Variants in CDK5RAP2 observed in about 807,000 individuals in gnomAD.
The protein encoded by CDK5RAP2 is CDK5 regulatory subunit-associated protein 2.
Under a neutral mutation model 232.9 loss-of-function variants are expected in CDK5RAP2, and 147 were observed. The observed-to-expected ratio is 0.63, with a 90% CI of 0.55 to 0.72. The LOEUF (loss-of-function observed/expected upper bound fraction) is 0.72, where lower values mean the gene tolerates loss of function less well. CDK5RAP2 is among the 30% of genes least tolerant of loss of function. The pLI is 0.00. For missense variants in CDK5RAP2, 2,195 were observed against 2,231.5 expected (o/e 0.98, Z 0.33); for synonymous variants, 833 against 833.7 (o/e 1.00, Z 0.01).
chr9:120,533,444 T>C (rs2041243567), intron 7 of CDK5RAP2, among the ~76,000 whole-genome samples: 1 of 152,056 alleles, frequency 6.6e-6, no homozygotes, highest in Non-Finnish European at 1.5e-5. Flanking sequence ...ACATTTCCTC[T>C]TTTTCCTTTT....
At chr9:120,416,056 C>T (rs1227346931) in intron 27 of CDK5RAP2, among the ~76,000 whole-genome samples, 1 of 152,196 alleles carries the variant, frequency 6.6e-6, no homozygotes, top group Non-Finnish European at 1.5e-5. Context: ...TTCTCCCATA[C>T]ACTCACTCAA....
At chr9:120,481,120 A>G (rs918205154) in intron 14 of CDK5RAP2, among the ~76,000 whole-genome samples, 1 of 152,196 alleles carries the variant, frequency 6.6e-6, no homozygotes, top group Non-Finnish European at 1.5e-5. Flanking sequence ...AATCTTCACA[A>G]TGACCCAATG....
intron 15 of CDK5RAP2, 38 bp from the exon 16 acceptor site, chr9:120,471,916 C>T: frequency 6.2e-7 from 1 of 1,613,184 alleles, no homozygotes; most frequent in Non-Finnish European, 8.5e-7. Flanking sequence ...TAAAACAGAC[C>T]TATTTGTACT....
At chr9:120,391,114 C>T (rs796935276) in intron 36 of CDK5RAP2, among the ~76,000 whole-genome samples, 1 of 152,086 alleles carries the variant, frequency 6.6e-6, no homozygotes, top group South Asian at 2.1e-4. Flanking sequence ...CCGCATTTTT[C>T]CACAGAGAGA....
intron 11 of CDK5RAP2, among the ~76,000 whole-genome samples, chr9:120,523,883 G>A (rs1326478429): frequency 6.6e-6 from 1 of 152,182 alleles, no homozygotes. Context: ...CTGACCATCA[G>A]GAGTCCTTGT....
intron 35 of CDK5RAP2, among the ~76,000 whole-genome samples, chr9:120,399,745 T>TA (rs1381219444): frequency 1.3e-5 from 2 of 152,194 alleles, no homozygotes; most frequent in East Asian, 3.9e-4. Flanking sequence ...TCCCACCTGA[T>TA]ACTGCCACCA....
chr9:120,389,624 T>C (rs1252559576), intron 37 of CDK5RAP2, 117 bp downstream of exon 37: 8 of 975,912 alleles, frequency 8.2e-6, no homozygotes, highest in Admixed American at 1.8e-5. Context: ...AACAACTCTC[T>C]GAGGAGGACA....
rs77055419 is a variant in CDK5RAP2 at position 120,548,076 on chromosome 9, G to A, written c.307-2286C>T. Among the ~76,000 whole-genome samples the A allele has an allele frequency of 8.7e-3, 1,330 of 152,268 alleles. 19 individuals carry two copies. Among genetic ancestry groups the A allele is most frequent in the African/African-American group, 0.03 (1,242 of 41,538 alleles). On this transcript the variant is annotated intron_variant, in intron 4 of 37. Transcript: ENST00000349780. ...TGAGCTAGCAAATGAGAAAAGCCTCGGAGACAGGGCTCAAAATAGGTTATC... is the reference window on the plus strand; with the variant it reads ...TGAGCTAGCAAATGAGAAAAGCCTCAGAGACAGGGCTCAAAATAGGTTATC...
chr9:120,466,925 G>A (rs377731911), intron 18 of CDK5RAP2, among the ~76,000 whole-genome samples: 29 of 152,320 alleles, frequency 1.9e-4, no homozygotes, highest in East Asian at 1.5e-3. Context: ...AGTTTCATAC[G>A]TGAGGGACCC....
At chr9:120,432,451 A>T (rs2035339174) in intron 25 of CDK5RAP2, among the ~76,000 whole-genome samples, 1 of 152,184 alleles carries the variant, frequency 6.6e-6, no homozygotes, top group African/African-American at 2.4e-5. Context: ...CTATATTTAA[A>T]TTTTTAAGAA....
chr9:120,496,894 C>T (rs2039304893), intron 12 of CDK5RAP2, among the ~76,000 whole-genome samples: 1 of 141,582 alleles, frequency 7.1e-6, no homozygotes, highest in Admixed American at 6.8e-5. Context: ...CCGGCCACCA[C>T]CCTGTCTGGG....
chr9:120,455,211 A>C (rs1235591344), intron 20 of CDK5RAP2, among the ~76,000 whole-genome samples: 1 of 152,136 alleles, frequency 6.6e-6, no homozygotes, highest in African/African-American at 2.4e-5. Context: ...CAGGGAGAAC[A>C]ACAGCGGAGG....
Position 120,470,145 on chromosome 9 carries a change from A to G in CDK5RAP2, c.1934T>C (p.Val645Ala). ...ICLEENNRFQ[V>A]EHFSQEELKK... The stretch of plus-strand genomic sequence containing the variant: ...AAGTTCTTCTTGAGAAAAATGTTCC[A>G]CTTGAAACCGATTGTTTTCTTCAAG... Residue 645 changes from valine to alanine, a missense_variant, in exon 17 of 38, where the codon GTG (valine) becomes GCG (alanine). Physicochemically the swap from Val to Ala is moderately conservative, Grantham distance 64 (BLOSUM62 0). Coordinates refer to ENST00000349780, the MANE Select transcript of CDK5RAP2 (RefSeq NM_018249.6). 6.3e-7 allele frequency: 1 copy of G among 1,587,224 alleles called. No individual in the cohort carries two copies. Among genetic ancestry groups the G allele is most frequent in the South Asian group, 1.1e-5 (1 of 89,872 alleles).
chr9:120,498,711 G>C (rs2039433823), intron 12 of CDK5RAP2, among the ~76,000 whole-genome samples: 3 of 149,220 alleles, frequency 2.0e-5, no homozygotes, highest in Admixed American at 2.0e-4. Context: ...AAAATAAAAA[G>C]GCTTTAAATA....
intron 21 of CDK5RAP2, among the ~76,000 whole-genome samples, chr9:120,449,859 G>C (rs2036391227): frequency 6.6e-6 from 1 of 152,110 alleles, no homozygotes; most frequent in Non-Finnish European, 1.5e-5. Flanking sequence ...ATAATCAAAG[G>C]ACAACAACAA....
In CDK5RAP2 at chr9:120,422,761, C is replaced by T; in HGVS notation, c.3956-20G>A. ...ATTTTCCTGGAAGCAGAAATAACATCAAGAAAGGAGGAGAAAAAAATGTTT... is the reference window on the plus strand; with the variant it reads ...ATTTTCCTGGAAGCAGAAATAACATTAAGAAAGGAGGAGAAAAAAATGTTT... On this transcript the variant is annotated intron_variant, in intron 25 of 37. Transcript: ENST00000349780. 6.2e-6 allele frequency: 10 copies of T among 1,603,406 alleles called. No individual in the cohort carries two copies. Among genetic ancestry groups the T allele is most frequent in the Non-Finnish European group, 7.7e-6 (9 of 1,170,554 alleles).
At chr9:120,518,377 T>A (rs763021076) in intron 12 of CDK5RAP2, 50 bp downstream of exon 12, 1 of 1,480,730 alleles carries the variant, frequency 6.8e-7, no homozygotes, top group African/African-American at 1.4e-5. Context: ...CACAGCCACA[T>A]AGCCCCAAAA....
At chr9:120,513,279 C>G (rs1382609059) in intron 12 of CDK5RAP2, among the ~76,000 whole-genome samples, 1 of 152,182 alleles carries the variant, frequency 6.6e-6, no homozygotes, top group Non-Finnish European at 1.5e-5. Flanking sequence ...AATCCATCCT[C>G]TAGACATCCA....
In CDK5RAP2 at chr9:120,439,862, G is replaced by A; in HGVS notation, c.3259C>T (p.Gln1087Ter). 1 of 1,614,184 alleles carries A rather than the reference G, an allele frequency of 6.2e-7. No homozygotes were observed. Among genetic ancestry groups the A allele is most frequent in the Non-Finnish European group, 8.5e-7 (1 of 1,180,010 alleles). Residue 1087 changes from glutamine to a stop codon, truncating the protein, a stop_gained, in exon 24 of 38, where the codon CAG (glutamine) becomes TAG (stop). Coordinates refer to ENST00000349780, the MANE Select transcript of CDK5RAP2 (RefSeq NM_018249.6). LOFTEE classifies it high-confidence loss of function. ...SVATYLSSKS[Q>*]PSAKVSVMGT... ...ATCACACTGACTTTAGCAGAAGGCT[G>A]ACTCTTGGAACTCAGGTAAGTAGCT...
Sources: allele counts gnomAD v4.1 joint callset (sites outside exome capture counted in the v4.1 genomes callset), GRCh38; gene constraint gnomAD v4.1.1; transcripts MANE v1.5; gene names NCBI Gene and HGNC (gene_info 2026-07-23, HGNC 2026-07-21).